Variants in HM13 observed in about 807,000 individuals in gnomAD.
HM13 encodes the protein signal peptide peptidase.
HM13 carries 18 observed loss-of-function variants against 50.0 expected under a neutral mutation model. The observed-to-expected ratio is 0.36, with a 90% CI of 0.25 to 0.53. HM13 has a LOEUF of 0.53. HM13 is among the 20% of genes least tolerant of loss of function. The pLI is 0.90. For synonymous variants in HM13, 197 were observed against 232.6 expected (o/e 0.85, Z 1.39); for missense variants, 393 against 552.4 (o/e 0.71, Z 2.89).
At chr20:31,541,130 T>C (rs1160753109) in intron 3 of HM13, 2 of 152,162 alleles carry the variant, frequency 1.3e-5, no homozygotes, top group African/African-American at 4.8e-5. Context: ...AGAAGAATAA[T>C]TTTCTTAATG....
intron 2 of HM13, among the ~76,000 whole-genome samples, chr20:31,535,042 T>A (rs1238646790): frequency 1.4e-5 from 2 of 146,916 alleles, no homozygotes; most frequent in Non-Finnish European, 3.0e-5. Flanking sequence ...GCCAAGATCG[T>A]GCCACTGCAC....
At position 31,559,633 on chromosome 20, in the gene HM13, G is replaced by A. The variant is rs780164947; in HGVS notation, c.831G>A (p.Leu277=). 10 of 1,614,138 alleles carry A rather than the reference G, an allele frequency of 6.2e-6. No individual in the cohort carries two copies. Among genetic ancestry groups the A allele is most frequent in the Non-Finnish European group, 7.6e-6 (9 of 1,180,028 alleles). The part of the protein sequence containing the change: ...VIPGIFIALL[L]RFDISLKKNT... ...CAGGGATCTTCATTGCCTTGCTGCTGCGCTTTGACATCAGGTGAGTGAGTG... is the reference window on the plus strand; with the variant it reads ...CAGGGATCTTCATTGCCTTGCTGCTACGCTTTGACATCAGGTGAGTGAGTG... The change falls in exon 9 of 13, where the codon CTG becomes CTA. Residue 277 remains leucine, a synonymous_variant. Coordinates refer to ENST00000398174, the MANE Select transcript of HM13 (RefSeq NM_178581.3).
rs772359286 is a variant in HM13 at position 31,569,240 on chromosome 20, C to T, written c.*21C>T. 59 of 1,502,776 alleles carry T rather than the reference C, an allele frequency of 3.9e-5. No individual in the cohort carries two copies. Among genetic ancestry groups the T allele is most frequent in the Non-Finnish European group, 5.1e-5 (56 of 1,097,976 alleles). 93.1% of individuals were successfully genotyped at this position (1,502,776 alleles called of 1,614,324 possible). A position where few individuals can be genotyped will look rare whatever the true frequency, so the allele number is the denominator to read the frequency against. ...AATGATGCAGCTGGTGCCCGAGCCT[C>T]TCAGGGCCAGACCAGACAGATGGGG... On this transcript the variant is annotated 3_prime_UTR_variant, in exon 13 of 13. Coordinates refer to ENST00000398174, the MANE Select transcript of HM13 (RefSeq NM_178581.3).
chr20:31,557,324 T>C (rs1423120465), intron 8 of HM13, among the ~76,000 whole-genome samples: 2 of 152,250 alleles, frequency 1.3e-5, no homozygotes. Flanking sequence ...ACTTCCCCTG[T>C]GTCCTTGTCA....
intron 2 of HM13, among the ~76,000 whole-genome samples, chr20:31,529,842 C>T (rs535880317): frequency 2.0e-5 from 3 of 152,258 alleles, no homozygotes; most frequent in African/African-American, 7.2e-5. Context: ...TGGCATGTGC[C>T]TGTAGTCCCA....
intron 2 of HM13, chr20:31,528,010 A>C (rs1251303295): frequency 1.3e-5 from 2 of 154,614 alleles, no homozygotes; most frequent in African/African-American, 4.8e-5. Flanking sequence ...GCAGTCATCC[A>C]AAACCCCACT....
chr20:31,547,879 G>A, intron 4 of HM13: 2 of 1,005,810 alleles, frequency 2.0e-6, no homozygotes, highest in Non-Finnish European at 3.2e-6. Flanking sequence ...GCTGTACCCT[G>A]CTGCAGTAGA....
intron 10 of HM13, among the ~76,000 whole-genome samples, chr20:31,563,661 T>A (rs1984741707): frequency 6.6e-6 from 1 of 151,990 alleles, no homozygotes; most frequent in Non-Finnish European, 1.5e-5. Flanking sequence ...TTAATATACA[T>A]AAAGCAGTAT....
chr20:31,554,237 G>A (rs1178015329), intron 7 of HM13, among the ~76,000 whole-genome samples: 6 of 151,988 alleles, frequency 3.9e-5, no homozygotes, highest in Admixed American at 6.6e-5. Context: ...AAAATGGGGC[G>A]GGCGTCTAAA....
intron 11 of HM13, chr20:31,567,627 C>T (rs1302349561): frequency 6.5e-6 from 1 of 153,574 alleles, no homozygotes; most frequent in Non-Finnish European, 1.4e-5. Context: ...ATATTGGTAC[C>T]ACATTCACAT....
chr20:31,552,194 T>C (rs144598111), intron 7 of HM13, among the ~76,000 whole-genome samples: 158 of 152,290 alleles, frequency 1.0e-3, no homozygotes, highest in African/African-American at 3.4e-3. Context: ...AGCCAGGGTG[T>C]CAGGAAAATC....
intron 2 of HM13, among the ~76,000 whole-genome samples, chr20:31,534,899 A>G (rs1983025148): frequency 6.6e-6 from 1 of 152,130 alleles, no homozygotes; most frequent in South Asian, 2.1e-4. Context: ...TCCTGGTAAC[A>G]TGGTGATACC....
At chr20:31,521,180 C>CAGTT (rs1982137980) in intron 1 of HM13, among the ~76,000 whole-genome samples, 3 of 152,216 alleles carry the variant, frequency 2.0e-5, no homozygotes, top group Non-Finnish European at 4.4e-5. Context: ...ATTAGCTGTT[C>CAGTT]AGTTACCTTC....
chr20:31,565,009 C>CAAAAA (rs902178354), intron 10 of HM13, among the ~76,000 whole-genome samples: 1 of 148,098 alleles, frequency 6.8e-6, no homozygotes, highest in East Asian at 2.0e-4. Context: ...ACTAAAAATA[C>CAAAAA]AAAAAAATTA....
intron 2 of HM13, among the ~76,000 whole-genome samples, chr20:31,536,575 G>A (rs1248887621): frequency 6.6e-6 from 1 of 152,138 alleles, no homozygotes; most frequent in Non-Finnish European, 1.5e-5. Context: ...GTACCAGCCT[G>A]TCTCATGCAG....
chr20:31,559,550 C>A, intron 8 of HM13, 61 bp from the exon 9 acceptor site: 8 of 1,547,138 alleles, frequency 5.2e-6, no homozygotes, highest in Non-Finnish European at 7.1e-6. Context: ...GACCCAGTCT[C>A]CTGTTAGTTC....
chr20:31,516,669 G>A (rs2122525667), intron 1 of HM13, among the ~76,000 whole-genome samples: 1 of 152,280 alleles, frequency 6.6e-6, no homozygotes, highest in Non-Finnish European at 1.5e-5. Context: ...AGGAAATAGT[G>A]GAAGGTTTGG....
chr20:31,517,857 A>G (rs1208423689), intron 1 of HM13, among the ~76,000 whole-genome samples: 1 of 152,142 alleles, frequency 6.6e-6, no homozygotes, highest in Non-Finnish European at 1.5e-5. Flanking sequence ...GTGCAGAAGT[A>G]TAAAGGAAAA....
At chr20:31,547,314 C>T (rs937127045) in intron 4 of HM13, 1 of 277,416 alleles carries the variant, frequency 3.6e-6, no homozygotes, top group Non-Finnish European at 6.8e-6. Flanking sequence ...ACGTGGCGTT[C>T]AGAGAGCGGA....
Sources: allele counts gnomAD v4.1 joint callset (sites outside exome capture counted in the v4.1 genomes callset), GRCh38; gene constraint gnomAD v4.1.1; transcripts MANE v1.5; gene names NCBI Gene and HGNC (gene_info 2026-07-23, HGNC 2026-07-21).